Variants in MCU observed in about 807,000 individuals in gnomAD.
MCU encodes the protein calcium uniporter protein, mitochondrial.
A neutral mutation model predicts 45.2 loss-of-function variants in MCU; 12 were observed. That is an observed-to-expected ratio of 0.27 (90% confidence interval 0.17 to 0.43). The LOEUF (loss-of-function observed/expected upper bound fraction) is 0.43, where lower values mean the gene tolerates loss of function less well. Ranked by LOEUF, MCU falls within the 20% of genes least tolerant of loss-of-function variation. The pLI is 1.00. For missense variants in MCU, 324 were observed against 436.7 expected, an observed-to-expected ratio of 0.74 and a Z score of 2.30; for synonymous variants, 160 against 165.1, an observed-to-expected ratio of 0.97 and a Z score of 0.24.
chr10:72,692,895 A>G (rs1399727593), intron 1 of MCU: 8 of 1,482,856 alleles, frequency 5.4e-6, no homozygotes, highest in South Asian at 2.6e-5. Flanking sequence ...GTGTGTGTGC[A>G]TGGGGAACCG....
intron 1 of MCU, among the ~76,000 whole-genome samples, chr10:72,771,239 C>A (rs1262696417): frequency 6.6e-6 from 1 of 152,074 alleles, no homozygotes; most frequent in Admixed American, 6.6e-5. Flanking sequence ...GTGATGTTCC[C>A]CTCCCTGTGT....
chr10:72,740,527 C>G (rs1249154900), intron 1 of MCU, among the ~76,000 whole-genome samples: 1 of 152,092 alleles, frequency 6.6e-6, no homozygotes, highest in African/African-American at 2.4e-5. Context: ...CAAAATCAAA[C>G]TTATTTATCA....
chr10:72,820,748 G>A lies in MCU; in HGVS notation c.151-13611G>A, dbSNP rs563916113. Among the ~76,000 whole-genome samples the A allele has an allele frequency of 3.3e-5, 5 of 152,250 alleles. No individual in the cohort carries two copies. The South Asian group carries it at 6.2e-4, about 19-fold the overall frequency. On this transcript the variant is annotated intron_variant, in intron 1 of 7. Coordinates refer to ENST00000373053, the MANE Select transcript of MCU (RefSeq NM_138357.3). ...GCTGGTCTCGAACTCCTGACCTCAG[G>A]TTATCCACCCACCTCAGCTTCCCAA...
At chr10:72,838,611 C>T (rs1173998872) in intron 2 of MCU, among the ~76,000 whole-genome samples, 1 of 151,890 alleles carries the variant, frequency 6.6e-6, no homozygotes, top group Non-Finnish European at 1.5e-5. Context: ...CCCTCCTGAA[C>T]GACAGAGTCA....
chr10:72,828,674 TAGTA>T (rs1247047415), intron 1 of MCU, among the ~76,000 whole-genome samples: 1 of 152,232 alleles, frequency 6.6e-6, no homozygotes, highest in Non-Finnish European at 1.5e-5. Context: ...TTTATGATCA[TAGTA>T]AGGAATTTAA....
intron 1 of MCU, among the ~76,000 whole-genome samples, chr10:72,833,736 A>T (rs1048318643): frequency 7.9e-5 from 12 of 152,234 alleles, no homozygotes; most frequent in African/African-American, 2.9e-4. Flanking sequence ...TGAGTCCCAG[A>T]TCCACATCCA....
At chr10:72,777,146 C>G (rs933427425) in intron 1 of MCU, among the ~76,000 whole-genome samples, 2 of 152,150 alleles carry the variant, frequency 1.3e-5, no homozygotes, top group African/African-American at 4.8e-5. Context: ...TTTACAGATT[C>G]AGTGCAATCC....
chr10:72,776,429 T>C (rs1232219366), intron 1 of MCU, among the ~76,000 whole-genome samples: 2 of 152,182 alleles, frequency 1.3e-5, no homozygotes, highest in Non-Finnish European at 2.9e-5. Context: ...TGCAAATCAA[T>C]AAACATGATA....
At chr10:72,829,620 A>G (rs1037632779) in intron 1 of MCU, among the ~76,000 whole-genome samples, 1 of 151,664 alleles carries the variant, frequency 6.6e-6, no homozygotes, top group South Asian at 2.1e-4. Flanking sequence ...GGGTAAAAAA[A>G]AAAAAACCTA....
intron 2 of MCU, among the ~76,000 whole-genome samples, chr10:72,858,062 G>T (rs1455191684): frequency 2.0e-5 from 3 of 152,184 alleles, no homozygotes; most frequent in Admixed American, 1.3e-4. Context: ...CATAAAGGTT[G>T]CAGGCTGCAG....
chr10:72,792,163 C>T lies in MCU; in HGVS notation c.151-42196C>T, dbSNP rs541657375. Reference sequence around the variant, plus strand: ...TTGCAGGGCACCAAGCAAGGAGGACCGGGCAGCTAATGCGTAAATCCTTAC... The same window carrying T: ...TTGCAGGGCACCAAGCAAGGAGGACTGGGCAGCTAATGCGTAAATCCTTAC... On this transcript the variant is annotated intron_variant, in intron 1 of 7. Transcript: ENST00000373053. Among the ~76,000 whole-genome samples the T allele has an allele frequency of 9.8e-5, 15 of 152,286 alleles. No individual in the cohort carries two copies. In the East Asian group the frequency reaches 1.9e-3, roughly 20 times the overall value.
intron 1 of MCU, among the ~76,000 whole-genome samples, chr10:72,739,378 A>T (rs192826907): frequency 2.0e-4 from 30 of 152,360 alleles, no homozygotes; most frequent in Non-Finnish European, 3.7e-4. Flanking sequence ...ATAGGATTTT[A>T]AAAATCCTGT....
intron 2 of MCU, among the ~76,000 whole-genome samples, chr10:72,854,446 T>C (rs1845256477): frequency 6.6e-6 from 1 of 152,154 alleles, no homozygotes; most frequent in African/African-American, 2.4e-5. Context: ...TAATGTGCAG[T>C]TTATAATATA....
chr10:72,730,851 T>G (rs1468197044), intron 1 of MCU: 1 of 152,252 alleles, frequency 6.6e-6, no homozygotes, highest in African/African-American at 2.4e-5. Context: ...CTGCAACAGC[T>G]GTTTTGCTTT....
chr10:72,857,745 C>T (rs1439600030), intron 2 of MCU, among the ~76,000 whole-genome samples: 2 of 151,828 alleles, frequency 1.3e-5, no homozygotes, highest in African/African-American at 2.4e-5. Flanking sequence ...GAAAATTATT[C>T]CAAAAGAGGG....
intron 2 of MCU, among the ~76,000 whole-genome samples, chr10:72,837,278 T>C (rs1020493944): frequency 6.6e-6 from 1 of 151,942 alleles, no homozygotes; most frequent in African/African-American, 2.4e-5. Context: ...TATATAAACA[T>C]AGGAAATTTT....
intron 4 of MCU, 58 bp from the exon 5 acceptor site, chr10:72,868,645 C>T (rs932789503): frequency 3.6e-5 from 55 of 1,516,926 alleles, no homozygotes; most frequent in Non-Finnish European, 4.4e-5. Flanking sequence ...TCTGATAGTC[C>T]CAGGAATAGC....
At chr10:72,777,659 C>T (rs894573155) in intron 1 of MCU, among the ~76,000 whole-genome samples, 1 of 152,090 alleles carries the variant, frequency 6.6e-6, no homozygotes, top group Non-Finnish European at 1.5e-5. Context: ...TGGGTTAGAC[C>T]TCAAAAGCAC....
At position 72,692,242 on chromosome 10, in the gene MCU, G is replaced by A; in HGVS notation, c.91G>A (p.Ala31Thr). The change falls in exon 1 of 8, where the codon GCC becomes ACC. Residue 31 changes from alanine (A) to threonine (T), a missense_variant. This residue lies in a region of MCU where 111 missense variants were observed against 112.3 expected (regional missense o/e 0.99). Transcript: ENST00000373053. The part of the protein sequence containing the change: ...GGAGGCGALT[A>T]GCFPGLGVSR... ...CGCCGGCGGCTGCGGGGCGCTGACT[G>A]CCGGCTGCTTCCCTGGGCTGGGCGT... is the stretch of plus-strand genomic sequence containing the variant. 1 of 1,239,906 alleles carries A rather than the reference G, an allele frequency of 8.1e-7. No individual in the cohort carries two copies. The highest frequency in any genetic ancestry group is 1.0e-6 in the Non-Finnish European group (1 of 987,262). 76.8% of individuals were successfully genotyped at this position (1,239,906 alleles called of 1,614,324 possible).
Sources: allele counts gnomAD v4.1 joint callset (sites outside exome capture counted in the v4.1 genomes callset), GRCh38; gene constraint gnomAD v4.1.1; regional missense constraint gnomAD v4.1.1; transcripts MANE v1.5; gene names NCBI Gene and HGNC (gene_info 2026-07-23, HGNC 2026-07-21).